The following CDK19 variants were observed in gnomAD, a reference collection of about 807,000 sequenced individuals.
The protein encoded by CDK19 is cyclin dependent kinase 19, also known as cyclin-dependent kinase 19.
A neutral mutation model predicts 68.3 loss-of-function variants in CDK19; 20 were observed. The ratio of observed to expected loss-of-function variants is 0.29; its 90% CI spans 0.21 to 0.43. CDK19 has a LOEUF of 0.43. Ranked by LOEUF, CDK19 falls within the 20% of genes least tolerant of loss-of-function variation. The pLI, the probability that CDK19 is intolerant of heterozygous loss-of-function variation, is 1.00. For missense variants in CDK19, 339 were observed against 623.5 expected, an observed-to-expected ratio of 0.54 and a Z score of 4.86; for synonymous variants, 221 against 222.8, an observed-to-expected ratio of 0.99 and a Z score of 0.07.
chr6:110,657,854 T>A lies in CDK19; in HGVS notation c.456+9580A>T, dbSNP rs191726747. 7.2e-5 allele frequency among the ~76,000 whole-genome samples: 11 copies of A among 152,286 alleles called. No individual in the cohort carries two copies. The East Asian group carries it at 1.9e-3, about 27-fold the overall frequency. On this transcript the variant is annotated intron_variant, in intron 4 of 12. Transcript: ENST00000368911. ...AGTCAAACCATGGCTCCTTGCAAGCTGGCCCTCTTGGAAGTGGGATTCTTG... is the reference window on the plus strand; with the variant it reads ...AGTCAAACCATGGCTCCTTGCAAGCAGGCCCTCTTGGAAGTGGGATTCTTG...
chr6:110,724,591 A>T (rs758557653), intron 2 of CDK19, among the ~76,000 whole-genome samples: 39 of 152,300 alleles, frequency 2.6e-4, no homozygotes, highest in Middle Eastern at 3.4e-3. Context: ...CAGAGAGGCA[A>T]GGAGAACAGA....
intron 2 of CDK19, among the ~76,000 whole-genome samples, chr6:110,745,569 T>C (rs998962009): frequency 6.6e-6 from 1 of 152,158 alleles, no homozygotes; most frequent in Non-Finnish European, 1.5e-5. Context: ...TAAAATAAAA[T>C]TCCATCACAA....
chr6:110,656,268 C>T (rs1781303929), intron 4 of CDK19, among the ~76,000 whole-genome samples: 1 of 152,172 alleles, frequency 6.6e-6, no homozygotes. Flanking sequence ...CTATCTGGTA[C>T]ATATTAAGAA....
chr6:110,614,939 A>G (rs1582670645), intron 12 of CDK19, among the ~76,000 whole-genome samples: 1 of 152,210 alleles, frequency 6.6e-6, no homozygotes, highest in Admixed American at 6.5e-5. Flanking sequence ...GGGAAATTTC[A>G]GCGGACCCAT....
intron 1 of CDK19, among the ~76,000 whole-genome samples, chr6:110,765,019 A>G (rs1409153258): frequency 2.0e-5 from 3 of 149,618 alleles, no homozygotes; most frequent in African/African-American, 7.3e-5. Flanking sequence ...AACCTAGATG[A>G]CCTTGGGTTT....
intron 2 of CDK19, among the ~76,000 whole-genome samples, chr6:110,687,587 G>A (rs1772599755): frequency 6.6e-6 from 1 of 152,186 alleles, no homozygotes; most frequent in African/African-American, 2.4e-5. Flanking sequence ...CTGGGTACGT[G>A]TTATGAGAAA....
chr6:110,742,850 C>A (rs1777782253), intron 2 of CDK19, among the ~76,000 whole-genome samples: 1 of 152,132 alleles, frequency 6.6e-6, no homozygotes, highest in South Asian at 2.1e-4. Flanking sequence ...CATAGACCCT[C>A]ATCAGTAATT....
At chr6:110,634,270 G>A (rs1779619026) in intron 5 of CDK19, among the ~76,000 whole-genome samples, 1 of 152,192 alleles carries the variant, frequency 6.6e-6, no homozygotes, top group Non-Finnish European at 1.5e-5. Flanking sequence ...AGGCTGGAGT[G>A]CTGTGGTGCC....
At chr6:110,765,473 T>C (rs1200932598) in intron 1 of CDK19, among the ~76,000 whole-genome samples, 4 of 151,748 alleles carry the variant, frequency 2.6e-5, no homozygotes, top group Non-Finnish European at 5.9e-5. Flanking sequence ...GGTCAGGAGA[T>C]TGAGACCATC....
At chr6:110,700,135 A>AC (rs1773867860) in intron 2 of CDK19, among the ~76,000 whole-genome samples, 1 of 152,192 alleles carries the variant, frequency 6.6e-6, no homozygotes, top group Admixed American at 6.5e-5. Context: ...TGCACTCTTT[A>AC]TGAGAATCTA....
intron 4 of CDK19, among the ~76,000 whole-genome samples, chr6:110,641,579 A>G (rs923827052): frequency 1.8e-4 from 25 of 141,470 alleles, no homozygotes; most frequent in Non-Finnish European, 2.9e-4. Flanking sequence ...TGGGCAACAG[A>G]GTGAGACTCC....
intron 2 of CDK19, among the ~76,000 whole-genome samples, chr6:110,674,174 T>A (rs181203289): frequency 6.6e-6 from 1 of 152,238 alleles, no homozygotes; most frequent in African/African-American, 2.4e-5. Flanking sequence ...CCACATAAGA[T>A]GGCAAACTTA....
At chr6:110,686,588 G>C (rs1038475180) in intron 2 of CDK19, among the ~76,000 whole-genome samples, 5 of 152,140 alleles carry the variant, frequency 3.3e-5, no homozygotes, top group Admixed American at 3.3e-4. Context: ...ACAAATTTTA[G>C]ATGAGTAAAT....
chr6:110,622,300 G>A, intron 10 of CDK19, 134 bp from the exon 11 acceptor site: 1 of 636,758 alleles, frequency 1.6e-6, no homozygotes, highest in Non-Finnish European at 2.7e-6. Flanking sequence ...TTCAAATCTT[G>A]ACTGCTGCTA....
chr6:110,685,251 AC>A (rs1166212862), intron 2 of CDK19, among the ~76,000 whole-genome samples: 1 of 152,180 alleles, frequency 6.6e-6, no homozygotes, highest in African/African-American at 2.4e-5. Context: ...TAAACCCTTA[AC>A]TAGTATATAC....
intron 2 of CDK19, among the ~76,000 whole-genome samples, chr6:110,712,677 G>C (rs1450686187): frequency 6.6e-6 from 1 of 152,156 alleles, no homozygotes; most frequent in Non-Finnish European, 1.5e-5. Context: ...AAGATCTAGG[G>C]AAGCCAGCAG....
At chr6:110,743,898 T>G (rs981426219) in intron 2 of CDK19, among the ~76,000 whole-genome samples, 2 of 151,672 alleles carry the variant, frequency 1.3e-5, no homozygotes, top group African/African-American at 2.4e-5. Context: ...CATAGAAAAA[T>G]AGCCCACCAA....
intron 4 of CDK19, chr6:110,643,237 C>T: frequency 7.9e-7 from 1 of 1,261,430 alleles, no homozygotes; most frequent in Non-Finnish European, 1.0e-6. Context: ...AGCTAAAAGA[C>T]ACAGGTATTT....
intron 8 of CDK19, among the ~76,000 whole-genome samples, chr6:110,624,637 CTT>C (rs1778972678): frequency 6.6e-6 from 1 of 152,120 alleles, no homozygotes; most frequent in African/African-American, 2.4e-5. Context: ...AAAAAATTGT[CTT>C]AGCTTTTTAT....
Sources: gnomAD v4.1 joint callset for allele counts (sites outside exome capture counted in the v4.1 genomes callset) on GRCh38, gnomAD v4.1.1 for gene constraint, MANE v1.5 for transcripts, NCBI Gene and HGNC (gene_info 2026-07-23, HGNC 2026-07-21) for gene names.